The following UBR4 variants were observed in gnomAD, a reference collection of about 807,000 sequenced individuals.
UBR4 encodes ubiquitin protein ligase E3 component n-recognin 4.
A neutral mutation model predicts 575.6 loss-of-function variants in UBR4; 124 were observed. That is an observed-to-expected ratio of 0.22 (90% confidence interval 0.19 to 0.25). The LOEUF (loss-of-function observed/expected upper bound fraction) is 0.25. Ranked by LOEUF, UBR4 falls within the 10% of genes least tolerant of loss-of-function variation. UBR4 has a pLI of 1.00. For synonymous variants in UBR4, 2,455 were observed against 2,473.7 expected, an observed-to-expected ratio of 0.99 and a Z score of 0.22; for missense variants, 4,818 against 6,478.8, an observed-to-expected ratio of 0.74 and a Z score of 8.80.
At position 19,165,648 on chromosome 1, in the gene UBR4, C is replaced by G. The variant is rs375648428; in HGVS notation, c.4211+8G>C. 1 of 1,611,816 alleles carries G rather than the reference C, an allele frequency of 6.2e-7. No individual in the cohort carries two copies. Among genetic ancestry groups the G allele is most frequent in the African/African-American group, 1.3e-5 (1 of 74,766 alleles). On this transcript the variant is annotated splice_region_variant and intron_variant, in intron 30 of 105. Coordinates refer to ENST00000375254, the MANE Select transcript of UBR4 (RefSeq NM_020765.3). Reference sequence around the variant, plus strand: ...AATATTCACTGAATAAAGCAAAACACGGCTCACCTGTCAGAGAAAAACTCC... The same window carrying G: ...AATATTCACTGAATAAAGCAAAACAGGGCTCACCTGTCAGAGAAAAACTCC...
At chr1:19,182,755 ACAAT>A (rs2091124593) in intron 17 of UBR4, among the ~76,000 whole-genome samples, 1 of 152,208 alleles carries the variant, frequency 6.6e-6, no homozygotes, top group Non-Finnish European at 1.5e-5. Context: ...GAAATATATA[ACAAT>A]ATAGATGAAT....
intron 87 of UBR4, among the ~76,000 whole-genome samples, chr1:19,102,954 C>A (rs556666278): frequency 1.3e-5 from 2 of 152,252 alleles, no homozygotes; most frequent in Admixed American, 6.5e-5. Flanking sequence ...TAGGGGTTTG[C>A]GGCTCAAACC....
At position 19,155,546 on chromosome 1, in the gene UBR4, A is replaced by C; in HGVS notation, c.6195T>G (p.Ser2065=). The change falls in exon 43 of 106, where the codon TCT becomes TCG. Residue 2065 remains serine, a synonymous_variant. Transcript: ENST00000375254. ...EEGKNIIVIM[S]SAGYIYTQLM... is the part of the protein sequence containing the mutation. ...GCTGAGTATAGATGTACCCAGCCGA[A>C]GACATTATAACAATGATGTTCTTTC... The C allele has an allele frequency of 6.2e-7, 1 of 1,614,184 alleles. No homozygotes were observed. The highest frequency in any genetic ancestry group is 8.5e-7 in the Non-Finnish European group (1 of 1,180,022).
chr1:19,166,750 A>C (rs1217972347), intron 29 of UBR4, among the ~76,000 whole-genome samples: 3 of 128,176 alleles, frequency 2.3e-5, no homozygotes, highest in African/African-American at 8.9e-5. Flanking sequence ...AAAAAAAAAA[A>C]AAAAAACCAG....
At chr1:19,166,976 G>A in intron 29 of UBR4, 46 bp downstream of exon 29, 1 of 1,594,086 alleles carries the variant, frequency 6.3e-7, no homozygotes, top group South Asian at 1.1e-5. Context: ...TTCACTGATA[G>A]CAGCAGTAGG....
intron 26 of UBR4, 24 bp downstream of exon 26, chr1:19,170,737 CT>C (rs1364226305): frequency 6.2e-7 from 1 of 1,614,114 alleles, no homozygotes; most frequent in Non-Finnish European, 8.5e-7. Context: ...AATAATATTA[CT>C]CAAAAGCACA....
intron 14 of UBR4, among the ~76,000 whole-genome samples, chr1:19,185,580 T>C (rs150122864): frequency 3.3e-5 from 4 of 119,920 alleles, no homozygotes; most frequent in South Asian, 5.2e-4. Flanking sequence ...TTTCTTTTTT[T>C]TTTTTTTTTT....
In UBR4 at chr1:19,157,906, C is replaced by G; in HGVS notation, c.5669G>C (p.Ser1890Thr). 1 of 1,614,240 alleles carries G rather than the reference C, an allele frequency of 6.2e-7. No individual in the cohort carries two copies. Among genetic ancestry groups the G allele is most frequent in the Non-Finnish European group, 8.5e-7 (1 of 1,180,034 alleles). The part of the protein sequence containing the change: ...DQGQTIRQLI[S>T]AHVLRRVAMC... ...AGCCACCCGCCTGAGCACATGAGCA[C>G]TGATCAGCTGCCGGATGGTCTGGCC... The change falls in exon 40 of 106, where the codon AGT becomes ACT. Residue 1890 changes from serine to threonine, a missense_variant. Physicochemically the swap from Ser to Thr is moderately conservative, Grantham distance 58. This residue lies in a region of UBR4 where 15 missense variants were observed against 60.6 expected (regional missense o/e 0.25). Coordinates refer to ENST00000375254, the MANE Select transcript of UBR4 (RefSeq NM_020765.3). This position sits in a 1 kb window ranked among gnomAD's most constrained non-coding sequence, Gnocchi z 4.4.
intron 20 of UBR4, among the ~76,000 whole-genome samples, chr1:19,176,069 G>C (rs1006879012): frequency 6.6e-6 from 1 of 151,950 alleles, no homozygotes; most frequent in African/African-American, 2.4e-5. Flanking sequence ...TTACAGGCAT[G>C]AGCCACCATG....
At chr1:19,143,271 A>G (rs200223740) in intron 55 of UBR4, among the ~76,000 whole-genome samples, 32 of 64,382 alleles carry the variant, frequency 5.0e-4, no homozygotes, top group South Asian at 1.6e-3. Context: ...AGAAAGAAAG[A>G]AAGAAAGAAA....
In UBR4 at chr1:19,155,633, G is replaced by A; in HGVS notation, c.6108C>T (p.Thr2036=). The change falls in exon 43 of 106, where the codon ACC becomes ACT. Residue 2036 remains threonine (T), a synonymous_variant. Coordinates refer to ENST00000375254, the MANE Select transcript of UBR4 (RefSeq NM_020765.3). ...TTGAGCTTGGCAGGAGAAAATAGAA[G>A]GTTGGACTCAAGGCATCAACACACA... The part of the protein sequence containing the change: ...YDLCVDALSP[T]FYFLLPSSKI... The A allele has an allele frequency of 6.2e-7, 1 of 1,614,116 alleles. No homozygotes were observed. Among genetic ancestry groups the A allele is most frequent in the South Asian group, 1.1e-5 (1 of 91,084 alleles).
rs1276339816 is a variant in UBR4, at chr1:19,104,220, T to C, written c.12765A>G (p.Lys4255=). 1.9e-6 allele frequency: 3 copies of C among 1,614,122 alleles called. No homozygotes were observed. The highest frequency in any genetic ancestry group is 2.5e-6 in the Non-Finnish European group (3 of 1,180,058). ...CCACCAAGCGACTTTTAAAATGTCT[T>C]TTGATGGATTCCACCTCAACAAAGG... The part of the protein sequence containing the change: ...LSSFVEVESI[K]RHFKSRLVGT... The change falls in exon 87 of 106, where the codon AAA becomes AAG. Residue 4255 remains lysine, a synonymous_variant. Transcript: ENST00000375254.
At chr1:19,114,321 A>G (rs2080234225) in intron 75 of UBR4, among the ~76,000 whole-genome samples, 1 of 152,264 alleles carries the variant, frequency 6.6e-6, no homozygotes, top group African/African-American at 2.4e-5. Context: ...TTACACAAGT[A>G]TTAAAAGTAT....
Position 19,145,839 on chromosome 1 carries a change from A to G in UBR4, c.7899T>C (p.His2633=), listed in dbSNP as rs746560203. The change falls in exon 53 of 106, where the codon CAT becomes CAC. Residue 2633 remains histidine, a synonymous_variant. Coordinates refer to ENST00000375254, the MANE Select transcript of UBR4 (RefSeq NM_020765.3). ...AGAAGGCATTCTTGGGTTTGGATGC[A>G]TGGAGTTTCCAGAAGTGGTTCACAA... is the stretch of plus-strand genomic sequence containing the variant. The part of the protein sequence containing the change: ...TQLVNHFWKL[H]ASKPKNAFLA... 8 of 1,614,222 alleles carry G rather than the reference A, an allele frequency of 5.0e-6. No individual in the cohort carries two copies. The highest frequency in any genetic ancestry group is 5.9e-6 in the Non-Finnish European group (7 of 1,180,032).
intron 48 of UBR4, 166 bp downstream of exon 48, chr1:19,151,477 A>T (rs1191835119): frequency 2.8e-6 from 2 of 722,156 alleles, no homozygotes; most frequent in Non-Finnish European, 2.4e-6. Flanking sequence ...CTTTCCTGTC[A>T]CCTTGCCTCT....
At chr1:19,186,012 C>T (rs937278982) in intron 14 of UBR4, among the ~76,000 whole-genome samples, 7 of 152,172 alleles carry the variant, frequency 4.6e-5, no homozygotes, top group Admixed American at 3.3e-4. Context: ...CACCTCCCTT[C>T]GTATTTCACA....
At chr1:19,160,546 A>G (rs2087165284) in intron 38 of UBR4, among the ~76,000 whole-genome samples, 1 of 152,164 alleles carries the variant, frequency 6.6e-6, no homozygotes. Flanking sequence ...CTCATATGAA[A>G]TGAGCTAACT....
intron 104 of UBR4, 30 bp from the exon 105 acceptor site, chr1:19,076,932 T>C (rs1246471449): frequency 2.6e-6 from 4 of 1,523,584 alleles, no homozygotes; most frequent in South Asian, 1.3e-5. Flanking sequence ...ACAAGAGAGG[T>C]GGGTGACTTA....
chr1:19,112,601 C>G lies in UBR4; in HGVS notation c.11724G>C (p.Glu3908Asp), dbSNP rs762355732. 6.2e-7 allele frequency: 1 copy of G among 1,614,270 alleles called. No homozygotes were observed. Among genetic ancestry groups the G allele is most frequent in the South Asian group, 1.1e-5 (1 of 91,088 alleles). ...HILVSQGLIR[E>D]LFDYNLRRGA... ...CTCGGCGAAGATTATAATCAAAGAGCTCCCGGATAAGGCCCTGGGAGACAA... is the reference window on the plus strand; with the variant it reads ...CTCGGCGAAGATTATAATCAAAGAGGTCCCGGATAAGGCCCTGGGAGACAA... Residue 3908 changes from glutamate (E) to aspartate (D), a missense_variant, in exon 78 of 106, where the codon GAG (glutamate) becomes GAC (aspartate). Transcript: ENST00000375254.
Sources: gnomAD v4.1 joint callset for allele counts (sites outside exome capture counted in the v4.1 genomes callset) on GRCh38, gnomAD v4.1.1 for gene constraint, gnomAD v4.1.1 regional missense constraint, Gnocchi (gnomAD v3.1) non-coding constraint, MANE v1.5 for transcripts, NCBI Gene and HGNC (gene_info 2026-07-23, HGNC 2026-07-21) for gene names.